TCF12: variants seen among roughly 807,000 people sequenced by gnomAD.
TCF12 encodes the protein DNA-binding protein HTF4.
In TCF12, 45 loss-of-function variants were observed where a neutral mutation model predicts 86.0. The observed-to-expected ratio is 0.52, with a 90% CI of 0.41 to 0.67. The LOEUF (loss-of-function observed/expected upper bound fraction) is 0.67, where lower values mean the gene tolerates loss of function less well. TCF12 is among the 30% of genes least tolerant of loss of function. The pLI, the probability that TCF12 is intolerant of heterozygous loss-of-function variation, is 0.00. For synonymous variants in TCF12, 330 were observed against 299.6 expected (o/e 1.10, Z -1.05); for missense variants, 881 against 859.9 (o/e 1.02, Z -0.31).
chr15:57,201,214 C>T (rs577464379), intron 8 of TCF12, among the ~76,000 whole-genome samples: 1 of 151,948 alleles, frequency 6.6e-6, no homozygotes, highest in East Asian at 1.9e-4. Context: ...CAAACATATA[C>T]AAACACCATA....
At chr15:57,189,938 G>C (rs2056894308) in intron 6 of TCF12, among the ~76,000 whole-genome samples, 1 of 152,148 alleles carries the variant, frequency 6.6e-6, no homozygotes, top group Admixed American at 6.5e-5. Context: ...CTGTAATATA[G>C]ATGAACTTCA....
At chr15:56,976,636 A>T (rs2062621789) in intron 3 of TCF12, among the ~76,000 whole-genome samples, 2 of 152,152 alleles carry the variant, frequency 1.3e-5, no homozygotes, top group Admixed American at 6.5e-5. Context: ...CATGAATACT[A>T]ATATTACCAG....
At chr15:57,152,912 C>T (rs1329636971) in intron 5 of TCF12, among the ~76,000 whole-genome samples, 1 of 151,518 alleles carries the variant, frequency 6.6e-6, no homozygotes, top group Admixed American at 6.6e-5. Flanking sequence ...GTGCTGAAAA[C>T]CAAAGATGAG....
chr15:57,148,871 A>G (rs964127938), intron 5 of TCF12, among the ~76,000 whole-genome samples: 7 of 152,116 alleles, frequency 4.6e-5, no homozygotes, highest in Admixed American at 1.3e-4. Flanking sequence ...ATGAGACCTC[A>G]TCTCAACAAC....
chr15:57,143,521 T>G (rs572134956), intron 5 of TCF12, among the ~76,000 whole-genome samples: 1 of 152,332 alleles, frequency 6.6e-6, no homozygotes, highest in African/African-American at 2.4e-5. Flanking sequence ...GAAATCTCAA[T>G]GTCAGAATAT....
chr15:56,926,230 T>A (rs1399732433), intron 3 of TCF12, among the ~76,000 whole-genome samples: 1 of 151,918 alleles, frequency 6.6e-6, no homozygotes, highest in Admixed American at 6.6e-5. Flanking sequence ...GGAGAATTGC[T>A]TGAACCCAGG....
At position 57,199,290 on chromosome 15, in the gene TCF12, A is replaced by G. The variant is rs1005376856; in HGVS notation, c.579+1465A>G. On this transcript the variant is annotated intron_variant, in intron 8 of 20. Transcript: ENST00000333725. Reference sequence around the variant, plus strand: ...GGGGTAGGTGGTTCAACAGCATAACAGATGATTTCTGTTAAATTAACAGAA... The same window carrying G: ...GGGGTAGGTGGTTCAACAGCATAACGGATGATTTCTGTTAAATTAACAGAA... Among the ~76,000 whole-genome samples, 22 of 152,228 alleles carry G rather than the reference A, an allele frequency of 1.4e-4. 1 individual carries two copies. The highest frequency in any genetic ancestry group is 6.3e-3 in the Middle Eastern group (2 of 316).
chr15:57,111,475 C>G (rs1354753893), intron 5 of TCF12, among the ~76,000 whole-genome samples: 8 of 151,956 alleles, frequency 5.3e-5, no homozygotes, highest in Admixed American at 5.2e-4. Flanking sequence ...GCCTTGCAAC[C>G]CAATTTGAAA....
chr15:57,266,832 T>G (rs1287377834), intron 18 of TCF12, among the ~76,000 whole-genome samples: 4 of 152,070 alleles, frequency 2.6e-5, no homozygotes, highest in Admixed American at 2.6e-4. Flanking sequence ...AGGCCAGAAG[T>G]TCAAGACCAG....
intron 3 of TCF12, among the ~76,000 whole-genome samples, chr15:56,941,569 T>G (rs1463089917): frequency 6.6e-6 from 1 of 151,636 alleles, no homozygotes; most frequent in Non-Finnish European, 1.5e-5. Flanking sequence ...GAGACAGGGT[T>G]TCATTATGTT....
chr15:57,058,148 C>T (rs2068178089), intron 3 of TCF12, among the ~76,000 whole-genome samples: 1 of 152,188 alleles, frequency 6.6e-6, no homozygotes, highest in African/African-American at 2.4e-5. Flanking sequence ...TCCCATTAAA[C>T]AATTCCCAAG....
At chr15:57,122,723 G>C (rs182787975) in intron 5 of TCF12, among the ~76,000 whole-genome samples, 283 of 152,256 alleles carry the variant, frequency 1.9e-3, no homozygotes, top group Middle Eastern at 3.4e-3. Flanking sequence ...AGGACCTTTG[G>C]AATGTATCTG....
intron 5 of TCF12, among the ~76,000 whole-genome samples, chr15:57,134,730 C>T (rs550679405): frequency 3.2e-4 from 48 of 152,174 alleles, no homozygotes; most frequent in African/African-American, 1.1e-3. Flanking sequence ...TAAATTTGCT[C>T]ATACCATGGA....
intron 3 of TCF12, among the ~76,000 whole-genome samples, chr15:56,961,220 A>G (rs1265327294): frequency 1.3e-5 from 2 of 152,110 alleles, no homozygotes; most frequent in African/African-American, 4.8e-5. Flanking sequence ...ACGAAGGTGT[A>G]TTGGATATGG....
intron 3 of TCF12, among the ~76,000 whole-genome samples, chr15:57,054,988 A>C (rs1014805243): frequency 2.0e-5 from 3 of 151,530 alleles, no homozygotes; most frequent in Non-Finnish European, 2.9e-5. Context: ...TAGGAGAGAA[A>C]ATTATTTTTT....
chr15:57,134,687 A>T (rs1872867176), intron 5 of TCF12, among the ~76,000 whole-genome samples: 1 of 152,252 alleles, frequency 6.6e-6, no homozygotes, highest in South Asian at 2.1e-4. Context: ...GAAATGGCTT[A>T]TATGAATCAG....
At chr15:57,204,535 G>A (rs1472836324) in intron 8 of TCF12, among the ~76,000 whole-genome samples, 1 of 152,030 alleles carries the variant, frequency 6.6e-6, no homozygotes, top group Admixed American at 6.6e-5. Flanking sequence ...TCATTTTGTT[G>A]GGAATGGCTC....
chr15:57,208,781 C>T (rs1450635636), intron 8 of TCF12, among the ~76,000 whole-genome samples: 6 of 151,716 alleles, frequency 4.0e-5, no homozygotes, highest in Non-Finnish European at 5.9e-5. Flanking sequence ...CATCATAGCT[C>T]GCTGCGGCCT....
chr15:57,083,259 T>C (rs1405017983), intron 4 of TCF12, among the ~76,000 whole-genome samples: 3 of 152,172 alleles, frequency 2.0e-5, no homozygotes, highest in Admixed American at 1.3e-4. Context: ...CTTTTTATTA[T>C]GTACATTTTA....
Sources: allele counts gnomAD v4.1 joint callset (sites outside exome capture counted in the v4.1 genomes callset), GRCh38; gene constraint gnomAD v4.1.1; transcripts MANE v1.5; gene names NCBI Gene and HGNC (gene_info 2026-07-23, HGNC 2026-07-21).